Variants in R3HCC1L observed in about 807,000 individuals in gnomAD.
The protein encoded by R3HCC1L is coiled-coil domain-containing protein R3HCC1L.
R3HCC1L carries 51 observed loss-of-function variants against 59.9 expected under a neutral mutation model. That is an observed-to-expected ratio of 0.85 (90% CI 0.68 to 1.07). R3HCC1L has a LOEUF of 1.07. Ranked by LOEUF, R3HCC1L falls within the 50% of genes least tolerant of loss-of-function variation. The pLI is 0.00. For synonymous variants in R3HCC1L, 322 were observed against 315.2 expected (o/e 1.02, Z -0.23); for missense variants, 965 against 933.0 (o/e 1.03, Z -0.45).
chr10:98,169,911 G>T (rs1848350224), intron 4 of R3HCC1L, among the ~76,000 whole-genome samples: 1 of 141,210 alleles, frequency 7.1e-6, no homozygotes, highest in Non-Finnish European at 1.5e-5. Context: ...TTTGGAGTGA[G>T]TGCTTTTTTT....
At chr10:98,160,309 G>T (rs1330689295) in intron 2 of R3HCC1L, among the ~76,000 whole-genome samples, 1 of 152,206 alleles carries the variant, frequency 6.6e-6, no homozygotes, top group South Asian at 2.1e-4. Flanking sequence ...GAATAGAGAT[G>T]TGTTACAAGT....
intron 1 of R3HCC1L, among the ~76,000 whole-genome samples, chr10:98,150,292 A>T (rs1354713771): frequency 6.6e-6 from 1 of 152,152 alleles, no homozygotes; most frequent in East Asian, 1.9e-4. Context: ...TGCTAGGGAC[A>T]GTTGGTTCCT....
At chr10:98,198,685 A>C (rs1389894762) in intron 4 of R3HCC1L, among the ~76,000 whole-genome samples, 1 of 152,142 alleles carries the variant, frequency 6.6e-6, no homozygotes, top group African/African-American at 2.4e-5. Context: ...CCTTTAAAAA[A>C]ATCATTATGA....
intron 4 of R3HCC1L, chr10:98,186,696 C>T (rs1403576705): frequency 2.3e-5 from 4 of 177,448 alleles, no homozygotes; most frequent in Non-Finnish European, 4.4e-5. Context: ...ATAAACAGCT[C>T]TCATATGATT....
intron 2 of R3HCC1L, among the ~76,000 whole-genome samples, chr10:98,159,197 A>G (rs1847166277): frequency 6.6e-6 from 1 of 152,180 alleles, no homozygotes; most frequent in Non-Finnish European, 1.5e-5. Context: ...GGTTTAATTA[A>G]GGTTATTCAT....
chr10:98,218,255 G>T (rs964250949), intron 5 of R3HCC1L, among the ~76,000 whole-genome samples: 4 of 151,930 alleles, frequency 2.6e-5, no homozygotes, highest in Non-Finnish European at 5.9e-5. Context: ...TTCTGTATCT[G>T]TTGAGATGTT....
intron 4 of R3HCC1L, among the ~76,000 whole-genome samples, chr10:98,197,249 G>A (rs1851536300): frequency 6.6e-6 from 1 of 151,800 alleles, no homozygotes; most frequent in South Asian, 2.1e-4. Flanking sequence ...TACCACACTT[G>A]TTTTCCTGTT....
intron 5 of R3HCC1L, among the ~76,000 whole-genome samples, chr10:98,222,389 T>G (rs991789145): frequency 3.3e-5 from 5 of 152,006 alleles, no homozygotes; most frequent in African/African-American, 1.2e-4. Context: ...CCTGCCTAAT[T>G]GCCCTGGCCA....
At chr10:98,142,301 C>G (rs80304125) in intron 1 of R3HCC1L, among the ~76,000 whole-genome samples, 3,547 of 152,274 alleles carry the variant, frequency 0.023, 116 homozygotes, top group African/African-American at 0.076. Flanking sequence ...AACTCATGAT[C>G]TCACCTCTGA....
At chr10:98,239,568 T>C (rs542981758) in intron 9 of R3HCC1L, among the ~76,000 whole-genome samples, 2 of 152,246 alleles carry the variant, frequency 1.3e-5, no homozygotes, top group Non-Finnish European at 2.9e-5. Context: ...ATCTTGACTC[T>C]ACTCTGAATG....
chr10:98,183,699 T>G (rs1302502690), intron 4 of R3HCC1L, among the ~76,000 whole-genome samples: 1 of 152,148 alleles, frequency 6.6e-6, no homozygotes, highest in African/African-American at 2.4e-5. Flanking sequence ...CTTTACTGAT[T>G]CTGAGACTGT....
chr10:98,235,479 A>C lies in R3HCC1L; in HGVS notation c.2087A>C (p.Gln696Pro). 6.2e-7 allele frequency: 1 copy of C among 1,613,664 alleles called. No homozygotes were observed. The highest frequency in any genetic ancestry group is 8.5e-7 in the Non-Finnish European group (1 of 1,179,766). ...ATGGTGAAGATTCGTCCCTTGTCAC[A>C]GGCCACAAGAGCAGCCAAGGCCAAA... Reference protein sequence around the residue: ...HTMVKIRPLSQATRAAKAKAR... With the variant: ...HTMVKIRPLSPATRAAKAKAR... The change falls in exon 8 of 10, where the codon CAG (glutamine) becomes CCG (proline). Residue 696 changes from glutamine to proline, a missense_variant. Physicochemically the swap from Gln to Pro is moderately conservative, Grantham distance 76. Transcript: ENST00000298999.
chr10:98,232,343 T>A (rs1010368396), intron 6 of R3HCC1L, among the ~76,000 whole-genome samples: 1 of 152,136 alleles, frequency 6.6e-6, no homozygotes, highest in African/African-American at 2.4e-5. Flanking sequence ...TCTGCTCCTG[T>A]TTCATTGGTT....
intron 5 of R3HCC1L, among the ~76,000 whole-genome samples, chr10:98,230,570 G>A (rs928334029): frequency 3.3e-5 from 5 of 151,910 alleles, no homozygotes; most frequent in Admixed American, 2.6e-4. Context: ...TTGTGTCTCT[G>A]TCTCCTTCAG....
intron 4 of R3HCC1L, among the ~76,000 whole-genome samples, chr10:98,187,388 G>C (rs564757757): frequency 3.3e-4 from 49 of 149,966 alleles, no homozygotes; most frequent in African/African-American, 1.1e-3. Context: ...GCCATGTAAG[G>C]TTTTTATAAT....
intron 4 of R3HCC1L, among the ~76,000 whole-genome samples, chr10:98,187,867 G>C (rs955705181): frequency 4.0e-5 from 6 of 151,170 alleles, no homozygotes; most frequent in Non-Finnish European, 8.8e-5. Flanking sequence ...CTCCTAAGTA[G>C]GTAGGGCTAC....
chr10:98,189,985 T>C (rs1263919334), intron 4 of R3HCC1L, among the ~76,000 whole-genome samples: 1 of 152,202 alleles, frequency 6.6e-6, no homozygotes, highest in Non-Finnish European at 1.5e-5. Flanking sequence ...AAGACTTTCC[T>C]TGGATACCAC....
chr10:98,137,810 G>A (rs924136698), intron 1 of R3HCC1L, among the ~76,000 whole-genome samples: 1 of 152,154 alleles, frequency 6.6e-6, no homozygotes, highest in African/African-American at 2.4e-5. Context: ...TTGTAGCAGA[G>A]CAATTATCTA....
chr10:98,207,797 G>T (rs1256487264), intron 4 of R3HCC1L, among the ~76,000 whole-genome samples: 2 of 151,900 alleles, frequency 1.3e-5, no homozygotes, highest in Non-Finnish European at 2.9e-5. Context: ...CTTAAGCTCA[G>T]CCTGGGCTTG....
Sources: gnomAD v4.1 joint callset for allele counts (sites outside exome capture counted in the v4.1 genomes callset) on GRCh38, gnomAD v4.1.1 for gene constraint, MANE v1.5 for transcripts, NCBI Gene and HGNC (gene_info 2026-07-23, HGNC 2026-07-21) for gene names.